Variants in DNMBP observed in about 807,000 individuals in gnomAD.
DNMBP encodes dynamin binding protein.
DNMBP carries 87 observed loss-of-function variants against 150.0 expected under a neutral mutation model. That is an observed-to-expected ratio of 0.58 (90% CI 0.49 to 0.69). The LOEUF (loss-of-function observed/expected upper bound fraction) is 0.69. DNMBP is among the 30% of genes least tolerant of loss of function. DNMBP has a pLI of 0.00. For missense variants in DNMBP, 1,774 were observed against 1,949.0 expected, an observed-to-expected ratio of 0.91 and a Z score of 1.69; for synonymous variants, 711 against 750.4, an observed-to-expected ratio of 0.95 and a Z score of 0.86.
At chr10:99,933,209 T>C (rs1454004189) in intron 4 of DNMBP, among the ~76,000 whole-genome samples, 1 of 151,296 alleles carries the variant, frequency 6.6e-6, no homozygotes, top group African/African-American at 2.4e-5. Flanking sequence ...GGCAGGAGGA[T>C]TGCTTGAGCC....
intron 15 of DNMBP, 113 bp from the exon 16 acceptor site, chr10:99,880,474 GT>G: frequency 7.3e-7 from 1 of 1,373,870 alleles, no homozygotes; most frequent in Non-Finnish European, 9.5e-7. Context: ...AAAATGAAGA[GT>G]AAAACAAAAA....
At chr10:99,978,101 A>C (rs1442481464) in intron 1 of DNMBP, among the ~76,000 whole-genome samples, 1 of 152,242 alleles carries the variant, frequency 6.6e-6, no homozygotes, top group Non-Finnish European at 1.5e-5. Context: ...GTAGACAGCA[A>C]GTCTCCAAAG....
rs1554857510 is a variant in DNMBP, at chr10:99,879,101, A to AAAAAAAAAAAAAAAAAAAAAC, written c.4548+709_4548+710insGTTTTTTTTTTTTTTTTTTTT. On this transcript the variant is annotated intron_variant, in intron 16 of 16. Coordinates refer to ENST00000324109, the MANE Select transcript of DNMBP (RefSeq NM_015221.4). Reference sequence around the variant, plus strand: ...CTCTGTCTCAAAAAAAAAAAAAAAAACCCAAAACGTTTGAGATACAAAGCC... The same window carrying AAAAAAAAAAAAAAAAAAAAAC: ...CTCTGTCTCAAAAAAAAAAAAAAAAAAAAAAAAAAAAAAAAAAAAACCCCAAAACGTTTGAGATACAAAGCC... Among the ~76,000 whole-genome samples the AAAAAAAAAAAAAAAAAAAAAC allele has an allele frequency of 5.5e-4, 75 of 135,144 alleles. 2 individuals are homozygous for AAAAAAAAAAAAAAAAAAAAAC. Among genetic ancestry groups the AAAAAAAAAAAAAAAAAAAAAC allele is most frequent in the Admixed American group, 7.4e-4 (10 of 13,520 alleles). 88.7% of individuals were successfully genotyped at this position (135,144 alleles called of 152,430 possible).
chr10:99,900,500 A>AACAC (rs893531535), intron 6 of DNMBP, among the ~76,000 whole-genome samples: 1 of 151,694 alleles, frequency 6.6e-6, no homozygotes, highest in African/African-American at 2.4e-5. Flanking sequence ...TTTTAGAACA[A>AACAC]ACACACACAC....
chr10:99,940,178 A>G, intron 4 of DNMBP, among the ~76,000 whole-genome samples: 1 of 152,202 alleles, frequency 6.6e-6, no homozygotes. Context: ...TTAAATGTTT[A>G]ATGAATCAAT....
At chr10:99,892,297 C>A (rs1235797250) in intron 11 of DNMBP, among the ~76,000 whole-genome samples, 150 of 147,396 alleles carry the variant, frequency 1.0e-3, no homozygotes, top group African/African-American at 3.5e-3. Context: ...ATGACAATGG[C>A]GGCTTTGTGG....
intron 3 of DNMBP, among the ~76,000 whole-genome samples, chr10:99,967,480 C>G (rs990132903): frequency 1.3e-5 from 2 of 152,100 alleles, no homozygotes; most frequent in Non-Finnish European, 2.9e-5. Flanking sequence ...GAGCCGAGAT[C>G]ATGCCACTGC....
chr10:99,975,800 C>T (rs765019680), intron 1 of DNMBP, among the ~76,000 whole-genome samples: 3 of 152,208 alleles, frequency 2.0e-5, no homozygotes, highest in Non-Finnish European at 2.9e-5. Flanking sequence ...ACTCTCTGGG[C>T]TTCAGTTTCC....
chr10:99,943,514 C>T (rs1029691689), intron 4 of DNMBP, among the ~76,000 whole-genome samples: 6 of 152,082 alleles, frequency 3.9e-5, no homozygotes, highest in Non-Finnish European at 7.4e-5. Flanking sequence ...CCAATCCTCC[C>T]ACCTCAGTCT....
At chr10:99,987,873 A>C (rs1228882061) in intron 1 of DNMBP, among the ~76,000 whole-genome samples, 3 of 152,246 alleles carry the variant, frequency 2.0e-5, no homozygotes, top group Non-Finnish European at 2.9e-5. Context: ...GGTAGTTGAT[A>C]TAAACTGGAC....
At chr10:99,991,312 C>T (rs1039215145) in intron 1 of DNMBP, among the ~76,000 whole-genome samples, 12 of 151,868 alleles carry the variant, frequency 7.9e-5, no homozygotes, top group Non-Finnish European at 1.6e-4. Context: ...CTCCTGACCT[C>T]GTGATCTGCC....
chr10:99,965,647 A>G (rs2040612965), intron 3 of DNMBP, among the ~76,000 whole-genome samples: 1 of 151,972 alleles, frequency 6.6e-6, no homozygotes, highest in South Asian at 2.1e-4. Context: ...ACAGGTATGC[A>G]CCATCATGCC....
intron 4 of DNMBP, among the ~76,000 whole-genome samples, chr10:99,931,913 G>A (rs2040163112): frequency 6.6e-6 from 1 of 152,244 alleles, no homozygotes; most frequent in African/African-American, 2.4e-5. Context: ...GTGACTTCTA[G>A]GAGAAGCAGG....
At chr10:99,878,041 C>T (rs2039303864) in intron 16 of DNMBP, among the ~76,000 whole-genome samples, 1 of 152,104 alleles carries the variant, frequency 6.6e-6, no homozygotes, top group Non-Finnish European at 1.5e-5. Flanking sequence ...ATTGCCTGAA[C>T]CCAGCAGGCA....
rs2040730407 is a variant in DNMBP, at chr10:99,976,625, C to T, written c.-10-4491G>A. Reference sequence around the variant, plus strand: ...AAGCTCTAAATGCGAGGCTAACAAACTCTACTGTGGTGGGAAAGGACACAT... The same window carrying T: ...AAGCTCTAAATGCGAGGCTAACAAATTCTACTGTGGTGGGAAAGGACACAT... On this transcript the variant is annotated intron_variant, in intron 1 of 16. Transcript: ENST00000324109. Among the ~76,000 whole-genome samples the T allele has an allele frequency of 2.6e-5, 4 of 152,154 alleles. No homozygotes were observed. In the South Asian group the frequency reaches 8.3e-4, roughly 32 times the overall value.
chr10:99,932,946 A>G (rs1447088924), intron 4 of DNMBP, among the ~76,000 whole-genome samples: 4 of 151,796 alleles, frequency 2.6e-5, no homozygotes, highest in African/African-American at 9.7e-5. Context: ...AATAGCTTGT[A>G]TGACTCTTTC....
At chr10:99,909,237 A>C in intron 4 of DNMBP, 91 bp from the exon 5 acceptor site, 1 of 965,738 alleles carries the variant, frequency 1.0e-6, no homozygotes, top group Non-Finnish European at 1.5e-6. Context: ...TTTCCTGAGA[A>C]CCAAAGGTCT....
intron 3 of DNMBP, among the ~76,000 whole-genome samples, chr10:99,962,558 G>A (rs1273017124): frequency 1.3e-5 from 2 of 152,210 alleles, no homozygotes; most frequent in African/African-American, 4.8e-5. Flanking sequence ...GTGAACCTGG[G>A]AGGCGGAGCT....
chr10:99,880,876 G>A (rs1338583777), intron 15 of DNMBP, among the ~76,000 whole-genome samples: 18 of 152,122 alleles, frequency 1.2e-4, no homozygotes, highest in Non-Finnish European at 1.5e-5. Flanking sequence ...GAGATGAGAG[G>A]ATTGCTTGAG....
Sources: allele counts gnomAD v4.1 joint callset (sites outside exome capture counted in the v4.1 genomes callset), GRCh38; gene constraint gnomAD v4.1.1; transcripts MANE v1.5; gene names NCBI Gene and HGNC (gene_info 2026-07-23, HGNC 2026-07-21).